RFX4: variants seen among roughly 807,000 people sequenced by gnomAD.
RFX4 encodes regulatory factor X4.
RFX4 carries 10 observed loss-of-function variants against 95.0 expected under a neutral mutation model. The ratio of observed to expected loss-of-function variants is 0.11; its 90% CI spans 0.06 to 0.18. The LOEUF (loss-of-function observed/expected upper bound fraction) is 0.18. Among genes scored for constraint, RFX4 ranks in the 10% least tolerant of loss-of-function variants. The pLI is 1.00. For synonymous variants in RFX4, 321 were observed against 340.7 expected, an observed-to-expected ratio of 0.94 and a Z score of 0.64; for missense variants, 640 against 922.0, an observed-to-expected ratio of 0.69 and a Z score of 3.96.
At chr12:106,701,371 A>G (rs1299015113) in intron 8 of RFX4, among the ~76,000 whole-genome samples, 2 of 151,882 alleles carry the variant, frequency 1.3e-5, no homozygotes, top group African/African-American at 4.8e-5. Flanking sequence ...GTTGTTTTCA[A>G]TCCTACTTGG....
rs188097611 is a variant in RFX4, at chr12:106,633,555, A to T, written c.131-5777A>T. Among the ~76,000 whole-genome samples the T allele has an allele frequency of 1.2e-4, 19 of 152,294 alleles. No individual in the cohort carries two copies. In the East Asian group the frequency reaches 3.5e-3, roughly 28 times the overall value. ...TTAACATATTATATTTAATCCTCAA[A>T]ACATCCTTGTGACAGAAGTTATGAT... On this transcript the variant is annotated intron_variant, in intron 2 of 17. Coordinates refer to ENST00000392842, the MANE Select transcript of RFX4 (RefSeq NM_213594.3).
intron 4 of RFX4, among the ~76,000 whole-genome samples, chr12:106,678,520 G>A (rs1180599939): frequency 6.6e-6 from 1 of 152,124 alleles, no homozygotes; most frequent in Non-Finnish European, 1.5e-5. Flanking sequence ...TAACACTCTG[G>A]TAGATTTTAG....
At chr12:106,751,066 C>G in intron 17 of RFX4, among the ~76,000 whole-genome samples, 1 of 149,700 alleles carries the variant, frequency 6.7e-6, no homozygotes, top group Non-Finnish European at 1.5e-5. Context: ...AGGTATATCT[C>G]CCAATGCTAT....
chr12:106,715,195 G>A lies in RFX4; in HGVS notation c.994-205G>A, dbSNP rs2042264416. On this transcript the variant is annotated intron_variant, in intron 10 of 17. Coordinates refer to ENST00000392842, the MANE Select transcript of RFX4 (RefSeq NM_213594.3). ...CAGTTTCTTGTAGAGAAAAAGAGATGTGTGGAAAGAACCATAGGAGAAAAC... is the reference window on the plus strand; with the variant it reads ...CAGTTTCTTGTAGAGAAAAAGAGATATGTGGAAAGAACCATAGGAGAAAAC... 3.6e-5 allele frequency: 20 copies of A among 558,836 alleles called. 1 individual carries two copies. In the East Asian group the frequency reaches 5.1e-4, roughly 14 times the overall value. The allele number at this position is 558,836 out of a possible 1,614,324, so 34.6% of individuals were successfully genotyped here.
intron 4 of RFX4, among the ~76,000 whole-genome samples, chr12:106,659,036 A>G (rs2041019267): frequency 6.6e-6 from 1 of 152,198 alleles, no homozygotes; most frequent in Non-Finnish European, 1.5e-5. Flanking sequence ...AAGTTTGTCT[A>G]TGGCCCACTT....
At chr12:106,654,085 G>A in intron 3 of RFX4, 143 bp from the exon 4 acceptor site, 2 of 1,128,656 alleles carry the variant, frequency 1.8e-6, no homozygotes, top group South Asian at 1.3e-5. Flanking sequence ...AGCTTGCTTT[G>A]TCTTCCTGGG....
chr12:106,700,500 G>A (rs1341131804), intron 8 of RFX4, among the ~76,000 whole-genome samples: 31 of 142,658 alleles, frequency 2.2e-4, no homozygotes, highest in African/African-American at 3.4e-4. Flanking sequence ...TCCGCCTCCC[G>A]GGTTCACGCC....
chr12:106,668,675 T>C (rs960398265), intron 4 of RFX4, among the ~76,000 whole-genome samples: 1 of 152,168 alleles, frequency 6.6e-6, no homozygotes, highest in African/African-American at 2.4e-5. Flanking sequence ...AGTAGGCAAC[T>C]AGCCATTTTA....
At chr12:106,613,299 A>T (rs760792835) in intron 2 of RFX4, among the ~76,000 whole-genome samples, 5 of 150,336 alleles carry the variant, frequency 3.3e-5, no homozygotes, top group Non-Finnish European at 5.9e-5. Flanking sequence ...TTTGGTCATG[A>T]TCTGTAGTCC....
intron 4 of RFX4, among the ~76,000 whole-genome samples, chr12:106,675,856 G>A (rs1346574093): frequency 2.0e-5 from 3 of 152,164 alleles, no homozygotes; most frequent in African/African-American, 4.8e-5. Flanking sequence ...GTTCCATTCC[G>A]TATGGCCGGA....
intron 4 of RFX4, among the ~76,000 whole-genome samples, chr12:106,666,087 A>G (rs542159311): frequency 6.6e-6 from 1 of 151,888 alleles, no homozygotes; most frequent in Admixed American, 6.6e-5. Context: ...AATTCCCTTA[A>G]TTTTTGTTTG....
chr12:106,685,601 AC>A (rs1212351515), intron 5 of RFX4, among the ~76,000 whole-genome samples: 3 of 151,188 alleles, frequency 2.0e-5, no homozygotes, highest in African/African-American at 7.3e-5. Flanking sequence ...ATCAGTAGGT[AC>A]TGAGAGAGGG....
intron 3 of RFX4, among the ~76,000 whole-genome samples, chr12:106,640,008 T>C (rs1056583306): frequency 2.6e-5 from 4 of 152,190 alleles, no homozygotes; most frequent in African/African-American, 9.7e-5. Flanking sequence ...AAGGCGATTA[T>C]TCCCCTAGCA....
At chr12:106,611,647 A>T (rs2137211579) in intron 2 of RFX4, among the ~76,000 whole-genome samples, 1 of 151,912 alleles carries the variant, frequency 6.6e-6, no homozygotes, top group African/African-American at 2.4e-5. Flanking sequence ...AGTAGCTGGG[A>T]TTACAGGCAC....
intron 1 of RFX4, among the ~76,000 whole-genome samples, chr12:106,603,010 C>G (rs2039743577): frequency 6.6e-6 from 1 of 152,176 alleles, no homozygotes; most frequent in African/African-American, 2.4e-5. Context: ...CCAGAGATAT[C>G]CTGTGTAATA....
intron 10 of RFX4, among the ~76,000 whole-genome samples, chr12:106,714,082 A>AAAAAAAAAAAAAAC (rs2042242033): frequency 6.6e-6 from 1 of 150,802 alleles, no homozygotes; most frequent in Non-Finnish European, 1.5e-5. Context: ...AAAAAAAAAA[A>AAAAAAAAAAAAAAC]AAAAAAAAAG....
In RFX4 at chr12:106,749,083, CA is replaced by C. The variant is rs35924676; in HGVS notation, c.1796+1499del. ...CTGGCGACAGAGGGAGACTTCATCT[CA>C]AAAAAAAAAAAAAAGAAAAGAAAAA... On this transcript the variant is annotated intron_variant, in intron 16 of 17. Coordinates refer to ENST00000392842, the MANE Select transcript of RFX4 (RefSeq NM_213594.3). 8.0e-3 allele frequency among the ~76,000 whole-genome samples: 839 copies of C among 104,720 alleles called. 9 individuals are homozygous for C. The highest frequency in any genetic ancestry group is 0.025 in the African/African-American group (693 of 27,246). The allele number at this position is 104,720 out of a possible 152,430, so 68.7% of individuals were successfully genotyped here.
Position 106,720,634 on chromosome 12 carries a change from A to C in RFX4, c.1234-125A>C. On this transcript the variant is annotated intron_variant, in intron 12 of 17. Coordinates refer to ENST00000392842, the MANE Select transcript of RFX4 (RefSeq NM_213594.3). The surrounding 1 kb of genome is among the most constrained non-coding windows in gnomAD (Gnocchi z 4.2). ...CCTAGGCTCATGCGATCATCCGCCCACCTTGGCCTCCCAAAGTGCTGGGAT... is the reference window on the plus strand; with the variant it reads ...CCTAGGCTCATGCGATCATCCGCCCCCCTTGGCCTCCCAAAGTGCTGGGAT... 1.2e-6 allele frequency: 1 copy of C among 863,700 alleles called. No individual in the cohort carries two copies. Among genetic ancestry groups the C allele is most frequent in the Non-Finnish European group, 1.9e-6 (1 of 523,628 alleles). The allele number at this position is 863,700 out of a possible 1,614,324, so 53.5% of individuals were successfully genotyped here. A position where few individuals can be genotyped will look rare whatever the true frequency, so the allele number is the denominator to read the frequency against.
At chr12:106,715,358 T>C in intron 10 of RFX4, 42 bp from the exon 11 acceptor site, 1 of 1,596,994 alleles carries the variant, frequency 6.3e-7, no homozygotes, top group Non-Finnish European at 8.6e-7. Context: ...GAAAGGGTTT[T>C]AACAACCCAT....
Sources: allele counts gnomAD v4.1 joint callset (sites outside exome capture counted in the v4.1 genomes callset), GRCh38; gene constraint gnomAD v4.1.1; non-coding constraint Gnocchi (gnomAD v3.1); transcripts MANE v1.5; gene names NCBI Gene and HGNC (gene_info 2026-07-23, HGNC 2026-07-21).